The following ABI1 variants were observed in gnomAD, a reference collection of about 807,000 sequenced individuals.
ABI1 encodes the protein abl interactor 1.
In ABI1, 14 loss-of-function variants were observed where a neutral mutation model predicts 54.6. That is an observed-to-expected ratio of 0.26 (90% CI 0.17 to 0.40). The LOEUF is 0.40. ABI1 is among the 10% of genes least tolerant of loss of function. The probability of loss-of-function intolerance (pLI) is 1.00; values close to 1 mark genes in which losing one functional copy is unlikely to be tolerated. For synonymous variants in ABI1, 194 were observed against 209.3 expected (o/e 0.93, Z 0.63); for missense variants, 443 against 598.3 (o/e 0.74, Z 2.71).
At position 26,748,439 on chromosome 10, in the gene ABI1, A is replaced by C. The variant is rs544813532; in HGVS notation, c.*131T>G. 7.4e-6 allele frequency: 5 copies of C among 673,608 alleles called. No individual in the cohort carries two copies. Among genetic ancestry groups the C allele is most frequent in the African/African-American group, 7.2e-5 (4 of 55,820 alleles). 41.7% of individuals were successfully genotyped at this position (673,608 alleles called of 1,614,324 possible). A position where few individuals can be genotyped will look rare whatever the true frequency, so the allele number is the denominator to read the frequency against. On this transcript the variant is annotated 3_prime_UTR_variant, in exon 11 of 11. Transcript: ENST00000376140. ...GATTTATGCTTACAGGTAGACATTC[A>C]ATTTACCAATAAAACAGCATGTTCT...
intron 2 of ABI1, among the ~76,000 whole-genome samples, chr10:26,813,532 A>G (rs1233889230): frequency 6.6e-6 from 1 of 152,208 alleles, no homozygotes; most frequent in Admixed American, 6.5e-5. Flanking sequence ...ATCTATAGGA[A>G]CTAAACTGTA....
At chr10:26,791,558 G>A (rs1388807242) in intron 2 of ABI1, among the ~76,000 whole-genome samples, 1 of 152,158 alleles carries the variant, frequency 6.6e-6, no homozygotes, top group Admixed American at 6.5e-5. Context: ...GGAAAGAATG[G>A]CTAAGACATG....
chr10:26,778,845 C>G (rs1386280865), intron 2 of ABI1, among the ~76,000 whole-genome samples: 3 of 152,130 alleles, frequency 2.0e-5, no homozygotes, highest in Non-Finnish European at 4.4e-5. Flanking sequence ...GTTTTCTGCC[C>G]ATTATAAAAG....
intron 5 of ABI1, among the ~76,000 whole-genome samples, 186 bp downstream of exon 5, chr10:26,770,059 A>G (rs560079849): frequency 9.2e-5 from 14 of 152,258 alleles, no homozygotes; most frequent in Non-Finnish European, 1.8e-4. Flanking sequence ...ATTATAGAGA[A>G]TATTACAAAG....
At chr10:26,824,149 T>C (rs1317780262) in intron 1 of ABI1, among the ~76,000 whole-genome samples, 1 of 151,546 alleles carries the variant, frequency 6.6e-6, no homozygotes, top group Non-Finnish European at 1.5e-5. Flanking sequence ...ATGGAACCAC[T>C]CTTAACCACT....
At chr10:26,820,631 A>C (rs560517166) in intron 2 of ABI1, among the ~76,000 whole-genome samples, 1 of 148,696 alleles carries the variant, frequency 6.7e-6, no homozygotes, top group Admixed American at 6.8e-5. Flanking sequence ...TCTGTCACCC[A>C]GGCTGGAGTA....
chr10:26,778,427 G>A lies in ABI1; in HGVS notation c.286-1186C>T, dbSNP rs565656112. Among the ~76,000 whole-genome samples, 7 of 150,216 alleles carry A rather than the reference G, an allele frequency of 4.7e-5. No homozygotes were observed. The South Asian group carries it at 1.5e-3, about 32-fold the overall frequency. On this transcript the variant is annotated intron_variant, in intron 2 of 10. Coordinates refer to ENST00000376140, the MANE Select transcript of ABI1 (RefSeq NM_001012750.3). ...CAGAAAGAACAAGACTGCAGAGAGT[G>A]AAACCAATTAAGGGGCAATTGTGGC... is the stretch of plus-strand genomic sequence containing the variant.
chr10:26,757,321 A>T (rs1838443740), intron 8 of ABI1, among the ~76,000 whole-genome samples: 1 of 152,204 alleles, frequency 6.6e-6, no homozygotes. Context: ...CAATATTCAA[A>T]AGAATGTGGT....
chr10:26,780,166 C>T (rs919955989), intron 2 of ABI1, among the ~76,000 whole-genome samples: 3 of 152,130 alleles, frequency 2.0e-5, no homozygotes, highest in African/African-American at 7.2e-5. Context: ...CAGAAAGCAA[C>T]AAAGCTATAG....
At chr10:26,809,431 C>T (rs1304769651) in intron 2 of ABI1, among the ~76,000 whole-genome samples, 2 of 151,968 alleles carry the variant, frequency 1.3e-5, no homozygotes, top group Non-Finnish European at 1.5e-5. Context: ...CGGTGGCATG[C>T]ATCTGCAGTC....
intron 1 of ABI1, among the ~76,000 whole-genome samples, chr10:26,825,819 T>C (rs1564547076): frequency 6.6e-6 from 1 of 152,212 alleles, no homozygotes. Flanking sequence ...CAAGAAACTA[T>C]TTCCTTTGTT....
intron 1 of ABI1, among the ~76,000 whole-genome samples, chr10:26,841,233 TGA>T (rs2049475591): frequency 6.6e-6 from 1 of 152,176 alleles, no homozygotes; most frequent in African/African-American, 2.4e-5. Context: ...CACTACCTGG[TGA>T]GCTTTTATTC....
In ABI1 at chr10:26,748,757, A is replaced by G; in HGVS notation, c.1271-12T>C. ...ATATATTGCAACAACTATGGAAAAAACAGTTGAAATATCACATGAGTGCAC... is the reference window on the plus strand; with the variant it reads ...ATATATTGCAACAACTATGGAAAAAGCAGTTGAAATATCACATGAGTGCAC... On this transcript the variant is annotated splice_polypyrimidine_tract_variant and intron_variant, in intron 10 of 10. Transcript: ENST00000376140. 2 of 1,600,846 alleles carry G rather than the reference A, an allele frequency of 1.2e-6. No homozygotes were observed. Among genetic ancestry groups the G allele is most frequent in the South Asian group, 2.2e-5 (2 of 90,070 alleles).
At chr10:26,823,083 G>T in intron 2 of ABI1, 55 bp downstream of exon 2, 1 of 1,440,424 alleles carries the variant, frequency 6.9e-7, no homozygotes, top group Non-Finnish European at 9.4e-7. Context: ...TTACTTCTTT[G>T]GCATATGCTG....
intron 2 of ABI1, among the ~76,000 whole-genome samples, chr10:26,798,312 G>A (rs1844449730): frequency 1.3e-5 from 2 of 151,968 alleles, no homozygotes; most frequent in Non-Finnish European, 2.9e-5. Context: ...CAGTATTGGG[G>A]GGGGTGAATC....
chr10:26,792,811 G>T (rs1843647393), intron 2 of ABI1, among the ~76,000 whole-genome samples: 2 of 152,110 alleles, frequency 1.3e-5, no homozygotes, highest in Admixed American at 1.3e-4. Context: ...TTTAAGATAT[G>T]ATTATTTTAA....
chr10:26,828,435 G>C (rs951658201), intron 1 of ABI1, among the ~76,000 whole-genome samples: 2 of 152,214 alleles, frequency 1.3e-5, no homozygotes, highest in Non-Finnish European at 2.9e-5. Flanking sequence ...TCGATGCAAG[G>C]TTGCCAGAAA....
intron 1 of ABI1, among the ~76,000 whole-genome samples, chr10:26,835,474 C>T (rs187533858): frequency 6.6e-6 from 1 of 151,710 alleles, no homozygotes; most frequent in African/African-American, 2.4e-5. Context: ...ACTTGGGAGG[C>T]TAAGATGGAA....
At chr10:26,802,418 T>G (rs1410128455) in intron 2 of ABI1, among the ~76,000 whole-genome samples, 1 of 152,160 alleles carries the variant, frequency 6.6e-6, no homozygotes, top group African/African-American at 2.4e-5. Flanking sequence ...TTTCACCGAC[T>G]GAGGCTCCTG....
Sources: allele counts gnomAD v4.1 joint callset (sites outside exome capture counted in the v4.1 genomes callset), GRCh38; gene constraint gnomAD v4.1.1; transcripts MANE v1.5; gene names NCBI Gene and HGNC (gene_info 2026-07-23, HGNC 2026-07-21).